TERB1: variants seen among roughly 807,000 people sequenced by gnomAD.
TERB1 encodes telomere repeat binding bouquet formation protein 1.
Under a neutral mutation model 92.3 loss-of-function variants are expected in TERB1, and 63 were observed. The observed-to-expected ratio is 0.68, with a 90% CI of 0.56 to 0.84. TERB1 has a LOEUF of 0.84. Among genes scored for constraint, TERB1 ranks in the 40% least tolerant of loss-of-function variants. The probability of loss-of-function intolerance (pLI) is 0.00; values close to 1 mark genes in which losing one functional copy is unlikely to be tolerated. For synonymous variants in TERB1, 252 were observed against 283.9 expected (o/e 0.89, Z 1.13); for missense variants, 709 against 843.7 (o/e 0.84, Z 1.98).
chr16:66,759,228 G>A lies in TERB1; in HGVS notation c.1843C>T (p.Pro615Ser). Residue 615 changes from proline to serine, a missense_variant, in exon 17 of 19, where the codon CCA (proline) becomes TCA (serine). Physicochemically the swap from Pro to Ser is moderately conservative, Grantham distance 74. Transcript: ENST00000433154. ...RNFSKLLHSCPYQCDRHKVIV... is the reference protein window; with the variant it reads ...RNFSKLLHSCSYQCDRHKVIV... ...ACTTTGTGACGATCACATTGGTATG[G>A]GCAAGAGTGCAAGAGCTTGCTAAAG... The A allele has an allele frequency of 6.4e-7, 1 of 1,550,702 alleles. No individual in the cohort carries two copies. The highest frequency in any genetic ancestry group is 8.7e-7 in the Non-Finnish European group (1 of 1,146,628).
intron 13 of TERB1, among the ~76,000 whole-genome samples, chr16:66,772,301 G>T (rs1033268032): frequency 6.6e-6 from 1 of 152,118 alleles, no homozygotes; most frequent in Non-Finnish European, 1.5e-5. Context: ...CCAACATGAG[G>T]AAACCCTGTC....
chr16:66,781,493 T>C (rs2018635259), intron 9 of TERB1, among the ~76,000 whole-genome samples: 1 of 151,842 alleles, frequency 6.6e-6, no homozygotes, highest in Non-Finnish European at 1.5e-5. Context: ...TTATAAGAGC[T>C]GTTTACAAGT....
intron 16 of TERB1, among the ~76,000 whole-genome samples, chr16:66,760,717 C>T (rs9708957): frequency 1.9e-3 from 188 of 100,010 alleles, no homozygotes; most frequent in Middle Eastern, 7.4e-3. Flanking sequence ...ACCCGCCAGG[C>T]GGAGGTTGCA....
chr16:66,763,432 G>A (rs2018286243), intron 16 of TERB1, among the ~76,000 whole-genome samples: 1 of 152,116 alleles, frequency 6.6e-6, no homozygotes, highest in Non-Finnish European at 1.5e-5. Flanking sequence ...ATGTTGTTGT[G>A]TGTCCTATAA....
intron 2 of TERB1, among the ~76,000 whole-genome samples, chr16:66,800,668 C>T (rs1959251847): frequency 6.6e-6 from 1 of 151,950 alleles, no homozygotes; most frequent in South Asian, 2.1e-4. Context: ...TTTTTGTCAG[C>T]GGATATCCAG....
At chr16:66,758,903 CA>C in intron 17 of TERB1, 65 bp from the exon 18 acceptor site, 2 of 1,100,004 alleles carry the variant, frequency 1.8e-6, no homozygotes, top group Non-Finnish European at 2.6e-6. Context: ...ATATCAATTC[CA>C]TTAGTATATT....
chr16:66,788,412 T>G (rs1327954080), intron 5 of TERB1, 115 bp from the exon 6 acceptor site: 46 of 784,432 alleles, frequency 5.9e-5, no homozygotes, highest in Non-Finnish European at 4.8e-5. Context: ...AAATCTCATT[T>G]AATTGATATT....
At chr16:66,783,791 G>A (rs1376832745) in intron 9 of TERB1, among the ~76,000 whole-genome samples, 1 of 152,106 alleles carries the variant, frequency 6.6e-6, no homozygotes, top group African/African-American at 2.4e-5. Flanking sequence ...CTATTCTCAG[G>A]TATGATAATA....
intron 12 of TERB1, among the ~76,000 whole-genome samples, chr16:66,774,725 C>T (rs2018515863): frequency 6.6e-6 from 1 of 150,974 alleles, no homozygotes; most frequent in Non-Finnish European, 1.5e-5. Flanking sequence ...CTCTATGACC[C>T]AGGCTGGAGG....
chr16:66,758,163 TCTAA>T, intron 18 of TERB1: 1 of 152,346 alleles, frequency 6.6e-6, no homozygotes, highest in African/African-American at 2.4e-5. Flanking sequence ...CAAATTAATA[TCTAA>T]CTTACAATAT....
chr16:66,794,510 A>G (rs910898951), intron 3 of TERB1, among the ~76,000 whole-genome samples: 8 of 152,158 alleles, frequency 5.3e-5, no homozygotes, highest in Non-Finnish European at 1.2e-4. Flanking sequence ...TCCTGACATA[A>G]CAACTATCAT....
chr16:66,790,429 AAGAG>A (rs1304534601), intron 5 of TERB1, among the ~76,000 whole-genome samples, 162 bp downstream of exon 5: 1 of 150,174 alleles, frequency 6.7e-6, no homozygotes, highest in Non-Finnish European at 1.5e-5. Flanking sequence ...AAAGGAAGGA[AAGAG>A]AGAGAAAGAG....
chr16:66,788,182 C>A lies in TERB1; in HGVS notation c.387G>T (p.Leu129=). 6.8e-7 allele frequency: 1 copy of A among 1,474,678 alleles called. No homozygotes were observed. The highest frequency in any genetic ancestry group is 9.0e-7 in the Non-Finnish European group (1 of 1,107,702). 91.3% of individuals were successfully genotyped at this position (1,474,678 alleles called of 1,614,324 possible). A position where few individuals can be genotyped will look rare whatever the true frequency, so the allele number is the denominator to read the frequency against. The part of the protein sequence containing the change: ...KRMSVYVILV[L]VSNNRTGQTL... ...GAATGTACTTACTATTATTTGAAAC[C>A]AGAACCAAAATAACATAAACAGACA... Residue 129 remains leucine, a synonymous_variant, in exon 6 of 19, where the codon CTG becomes CTT. Coordinates refer to ENST00000433154, the MANE Select transcript of TERB1 (RefSeq NM_001136505.2).
At chr16:66,801,237 T>G in intron 1 of TERB1, among the ~76,000 whole-genome samples, 184 bp from the exon 2 acceptor site, 1 of 151,516 alleles carries the variant, frequency 6.6e-6, no homozygotes, top group African/African-American at 2.4e-5. Context: ...GCCTGGGGAG[T>G]CAGAAGTGAA....
intron 3 of TERB1, among the ~76,000 whole-genome samples, chr16:66,794,098 C>T (rs543983366): frequency 1.5e-5 from 2 of 137,474 alleles, no homozygotes; most frequent in African/African-American, 3.6e-5. Flanking sequence ...CTTTTCTTCT[C>T]TTTTCTTTTC....
In TERB1 at chr16:66,789,583, C is replaced by CAAAAAA; in HGVS notation, c.271+1006_271+1011dup. 9.5e-3 allele frequency among the ~76,000 whole-genome samples: 54 copies of CAAAAAA among 5,662 alleles called. 22 individuals are homozygous for CAAAAAA. Among genetic ancestry groups the CAAAAAA allele is most frequent in the African/African-American group, 0.011 (5 of 460 alleles). 3.7% of individuals were successfully genotyped at this position (5,662 alleles called of 152,430 possible). On this transcript the variant is annotated intron_variant, in intron 5 of 18. Coordinates refer to ENST00000433154, the MANE Select transcript of TERB1 (RefSeq NM_001136505.2). ...TGGGCGACAGAGCGAGACTCCGTCT[C>CAAAAAA]AAAAAAAAAAAAAAAAAAAAAAAAA...
chr16:66,767,182 A>G (rs987451634), intron 16 of TERB1, among the ~76,000 whole-genome samples: 3 of 151,620 alleles, frequency 2.0e-5, no homozygotes, highest in Non-Finnish European at 4.4e-5. Flanking sequence ...ACAAAAAAAA[A>G]AAAAAAATTA....
At chr16:66,793,541 T>C (rs1306215542) in intron 3 of TERB1, among the ~76,000 whole-genome samples, 1 of 151,488 alleles carries the variant, frequency 6.6e-6, no homozygotes, top group Non-Finnish European at 1.5e-5. Context: ...AAATGGAGTC[T>C]CACTCTGTCA....
intron 12 of TERB1, among the ~76,000 whole-genome samples, chr16:66,774,510 T>C (rs2018511527): frequency 6.6e-6 from 1 of 152,044 alleles, no homozygotes; most frequent in East Asian, 1.9e-4. Flanking sequence ...TAAATGAATG[T>C]ACTTATGATT....
Sources: allele counts gnomAD v4.1 joint callset (sites outside exome capture counted in the v4.1 genomes callset), GRCh38; gene constraint gnomAD v4.1.1; transcripts MANE v1.5; gene names NCBI Gene and HGNC (gene_info 2026-07-23, HGNC 2026-07-21).